Variants in CGGBP1 observed in about 807,000 individuals in gnomAD.
CGGBP1 encodes CGG triplet repeat binding protein 1.
A neutral mutation model predicts 11.4 loss-of-function variants in CGGBP1; 4 were observed. The ratio of observed to expected loss-of-function variants is 0.35; its 90% confidence interval spans 0.17 to 0.80. CGGBP1 has a LOEUF of 0.80. CGGBP1 is among the 30% of genes least tolerant of loss of function. The probability of loss-of-function intolerance (pLI) is 0.52; values close to 1 mark genes in which losing one functional copy is unlikely to be tolerated. For synonymous variants in CGGBP1, 76 were observed against 74.1 expected (o/e 1.03, Z -0.13); for missense variants, 135 against 202.1 (o/e 0.67, Z 2.01).
At chr3:88,057,400 G>GT (rs1706574872) in intron 2 of CGGBP1, 108 bp from the exon 3 acceptor site, 2 of 150,100 alleles carry the variant, frequency 1.3e-5, no homozygotes, top group Non-Finnish European at 3.0e-5. Flanking sequence ...TAGGCTACAG[G>GT]TTTGCAACGG....
At chr3:88,103,295 G>A (rs953922265) in intron 2 of CGGBP1, among the ~76,000 whole-genome samples, 1 of 152,122 alleles carries the variant, frequency 6.6e-6, no homozygotes, top group African/African-American at 2.4e-5. Flanking sequence ...GCACAGAAAC[G>A]TTAAGAAAGA....
At chr3:88,093,585 C>A (rs1169144733) in intron 2 of CGGBP1, among the ~76,000 whole-genome samples, 1 of 152,132 alleles carries the variant, frequency 6.6e-6, no homozygotes, top group Non-Finnish European at 1.5e-5. Flanking sequence ...CTTCATGGAG[C>A]TAAGTGGGTA....
chr3:88,129,090 T>C, intron 2 of CGGBP1: 1 of 1,056,056 alleles, frequency 9.5e-7, no homozygotes, highest in Middle Eastern at 2.2e-4. Context: ...TAGCCCACTG[T>C]TGTTGTTAAA....
chr3:88,082,002 C>G (rs1168728410), intron 2 of CGGBP1, among the ~76,000 whole-genome samples: 1 of 152,144 alleles, frequency 6.6e-6, no homozygotes, highest in Non-Finnish European at 1.5e-5. Context: ...AGAAAATTAG[C>G]AAACTTATCA....
intron 2 of CGGBP1, among the ~76,000 whole-genome samples, chr3:88,078,688 A>G (rs941821193): frequency 5.3e-5 from 8 of 152,150 alleles, no homozygotes; most frequent in Non-Finnish European, 1.2e-4. Flanking sequence ...TCTACTTTAA[A>G]AAAATGGATT....
chr3:88,124,102 AATAAG>A (rs1705940498), intron 2 of CGGBP1, among the ~76,000 whole-genome samples: 1 of 152,246 alleles, frequency 6.6e-6, no homozygotes, highest in Non-Finnish European at 1.5e-5. Context: ...GATGCCCTAA[AATAAG>A]ATATTTATTC....
chr3:88,087,660 C>A (rs756127998), intron 2 of CGGBP1, among the ~76,000 whole-genome samples: 17 of 152,270 alleles, frequency 1.1e-4, no homozygotes, highest in Non-Finnish European at 1.6e-4. Context: ...TGTACTCACA[C>A]CACAACAGTG....
At chr3:88,147,139 G>A in intron 1 of CGGBP1, among the ~76,000 whole-genome samples, 1 of 152,158 alleles carries the variant, frequency 6.6e-6, no homozygotes, top group East Asian at 1.9e-4. Flanking sequence ...TCTGTAACAG[G>A]CAATGAAAGA....
At chr3:88,107,997 GTTTATA>G (rs1022266420) in intron 2 of CGGBP1, among the ~76,000 whole-genome samples, 5 of 151,150 alleles carry the variant, frequency 3.3e-5, no homozygotes, top group African/African-American at 1.2e-4. Context: ...ATTTTTTTTT[GTTTATA>G]TTGTGTTTGT....
At chr3:88,089,949 T>C (rs1462194057) in intron 2 of CGGBP1, among the ~76,000 whole-genome samples, 1 of 152,214 alleles carries the variant, frequency 6.6e-6, no homozygotes, top group East Asian at 1.9e-4. Context: ...AGTGAAGTCA[T>C]AGCTGCCATA....
At chr3:88,129,101 T>C (rs1287344701) in intron 2 of CGGBP1, 19 of 936,848 alleles carry the variant, frequency 2.0e-5, no homozygotes, top group Non-Finnish European at 2.9e-5. Flanking sequence ...TGTTGTTAAA[T>C]TCCTTTTACA....
upstream of CGGBP1, among the ~76,000 whole-genome samples, chr3:88,059,916 G>T (rs1292087440): frequency 6.6e-6 from 1 of 151,814 alleles, no homozygotes; most frequent in Non-Finnish European, 1.5e-5. Context: ...TCCGCCGATT[G>T]CCCCCCGTGT....
At chr3:88,141,957 G>A (rs1707153960) in intron 1 of CGGBP1, 2 of 246,106 alleles carry the variant, frequency 8.1e-6, no homozygotes, top group Non-Finnish European at 1.5e-5. Flanking sequence ...TAGGCAACTA[G>A]TCAGAAAACC....
At chr3:88,109,827 CAT>C (rs1398138197) in intron 2 of CGGBP1, among the ~76,000 whole-genome samples, 1 of 151,924 alleles carries the variant, frequency 6.6e-6, no homozygotes, top group Non-Finnish European at 1.5e-5. Flanking sequence ...ATATTAAACA[CAT>C]TTATTGTAGA....
chr3:88,085,945 G>C (rs1389945005), intron 2 of CGGBP1, among the ~76,000 whole-genome samples: 1 of 151,864 alleles, frequency 6.6e-6, no homozygotes, highest in Admixed American at 6.6e-5. Context: ...TTTTAATATT[G>C]AATAATTGTT....
chr3:88,119,027 A>G (rs1400128697), intron 2 of CGGBP1, among the ~76,000 whole-genome samples: 2 of 149,594 alleles, frequency 1.3e-5, no homozygotes, highest in East Asian at 2.0e-4. Context: ...CAGCCATCCC[A>G]TTACTGGGTA....
intron 2 of CGGBP1, among the ~76,000 whole-genome samples, chr3:88,132,783 A>C (rs1173749334): frequency 6.6e-6 from 1 of 152,226 alleles, no homozygotes; most frequent in Non-Finnish European, 1.5e-5. Context: ...AATAGGAATA[A>C]TCCCAACCTT....
At chr3:88,123,638 C>T (rs1022827334) in intron 2 of CGGBP1, among the ~76,000 whole-genome samples, 1 of 152,154 alleles carries the variant, frequency 6.6e-6, no homozygotes, top group Non-Finnish European at 1.5e-5. Context: ...TTTCAGCCAA[C>T]TTCAGGAAGT....
Position 88,141,560 on chromosome 3 carries a change from G to T in CGGBP1, c.-337-482C>A, listed in dbSNP as rs375474616. ...AATATCAATATCCTTTAAAATGACAGGGTATAAATTAAACAGGAATCTGAC... is the reference window on the plus strand; with the variant it reads ...AATATCAATATCCTTTAAAATGACATGGTATAAATTAAACAGGAATCTGAC... On this transcript the variant is annotated intron_variant, in intron 1 of 3. Transcript: ENST00000462901. The T allele has an allele frequency of 3.1e-4, 304 of 980,770 alleles. No individual in the cohort carries two copies. In the African/African-American group the frequency reaches 4.4e-3, roughly 14 times the overall value. 60.8% of individuals were successfully genotyped at this position (980,770 alleles called of 1,614,324 possible). A position where few individuals can be genotyped will look rare whatever the true frequency, so the allele number is the denominator to read the frequency against.
Sources: gnomAD v4.1 joint callset for allele counts (sites outside exome capture counted in the v4.1 genomes callset) on GRCh38, gnomAD v4.1.1 for gene constraint, MANE v1.5 for transcripts, NCBI Gene and HGNC (gene_info 2026-07-23, HGNC 2026-07-21) for gene names.